QSOX1: variants seen among roughly 807,000 people sequenced by gnomAD.
QSOX1 encodes the protein quiescin sulfhydryl oxidase 1, also known as sulfhydryl oxidase 1.
Under a neutral mutation model 76.1 loss-of-function variants are expected in QSOX1, and 40 were observed. That is an observed-to-expected ratio of 0.53 (90% CI 0.41 to 0.68). The LOEUF (loss-of-function observed/expected upper bound fraction) is 0.68. QSOX1 is among the 30% of genes least tolerant of loss of function. The pLI is 0.00. For synonymous variants in QSOX1, 392 were observed against 413.1 expected, an observed-to-expected ratio of 0.95 and a Z score of 0.62; for missense variants, 931 against 974.3, an observed-to-expected ratio of 0.96 and a Z score of 0.59.
intron 11 of QSOX1, among the ~76,000 whole-genome samples, chr1:180,194,993 TC>T (rs201342733): frequency 2.2e-4 from 27 of 124,266 alleles, no homozygotes; most frequent in African/African-American, 4.8e-4. Context: ...TGTGACAGCC[TC>T]CCGGGGGGGG....
chr1:180,173,284 C>G (rs1231812096), intron 2 of QSOX1, among the ~76,000 whole-genome samples: 1 of 151,620 alleles, frequency 6.6e-6, no homozygotes, highest in African/African-American at 2.4e-5. Context: ...TGTCGGCAAA[C>G]CAAACCCCAA....
At chr1:180,189,816 A>AGTCATTT in intron 9 of QSOX1, 142 bp downstream of exon 9, 5 of 902,614 alleles carry the variant, frequency 5.5e-6, no homozygotes, top group Non-Finnish European at 8.1e-6. Context: ...AATAATCAAT[A>AGTCATTT]AATGACTATT....
chr1:180,175,745 C>T (rs1391023022), intron 3 of QSOX1, among the ~76,000 whole-genome samples, 186 bp from the exon 4 acceptor site: 1 of 152,184 alleles, frequency 6.6e-6, no homozygotes, highest in Non-Finnish European at 1.5e-5. Flanking sequence ...CCTTGCACTA[C>T]TTGGGGCCAC....
At chr1:180,168,248 A>G (rs918898828) in intron 2 of QSOX1, among the ~76,000 whole-genome samples, 2 of 152,222 alleles carry the variant, frequency 1.3e-5, no homozygotes, top group African/African-American at 4.8e-5. Context: ...CATCTCCTGA[A>G]CTGCCTGGCT....
Position 180,200,413 on chromosome 1 carries a change from G to A in QSOX1, c.*3376G>A, listed in dbSNP as rs1385839200. The A allele has an allele frequency of 3.3e-5, 5 of 152,098 alleles. No individual in the cohort carries two copies. The highest frequency in any genetic ancestry group is 7.3e-5 in the Non-Finnish European group (5 of 68,046). The allele number at this position is 152,098 out of a possible 1,614,324, so 9.4% of individuals were successfully genotyped here. On this transcript the variant is annotated 3_prime_UTR_variant, in exon 12 of 12. Transcript: ENST00000367602. The stretch of plus-strand genomic sequence containing the variant: ...GGTGTCCCTGGAGCTGGGCCTCCAG[G>A]TGGCAAGCCCCAAGCCACCCCGGCA...
chr1:180,177,249 CCTTT>C (rs1662921360), intron 4 of QSOX1, among the ~76,000 whole-genome samples: 1 of 75,466 alleles, frequency 1.3e-5, no homozygotes, highest in Admixed American at 1.7e-4. Flanking sequence ...TCAAAGTGAT[CCTTT>C]TTTTTTTTTT....
rs1402075883 is a variant in QSOX1, at chr1:180,197,994, C to G, written c.*957C>G. 2.8e-6 allele frequency: 1 copy of G among 363,132 alleles called. No homozygotes were observed. Among genetic ancestry groups the G allele is most frequent in the Non-Finnish European group, 5.6e-6 (1 of 179,564 alleles). 22.5% of individuals were successfully genotyped at this position (363,132 alleles called of 1,614,324 possible). A position where few individuals can be genotyped will look rare whatever the true frequency, so the allele number is the denominator to read the frequency against. The stretch of plus-strand genomic sequence containing the variant: ...TGCTTGATTCCCACGCTACCCCCTG[C>G]CTTGGGAGGTGTGTGGAATAAATTA... On this transcript the variant is annotated 3_prime_UTR_variant, in exon 12 of 12. Coordinates refer to ENST00000367602, the MANE Select transcript of QSOX1 (RefSeq NM_002826.5).
At chr1:180,191,940 G>A (rs112185773) in intron 10 of QSOX1, among the ~76,000 whole-genome samples, 13 of 152,126 alleles carry the variant, frequency 8.5e-5, no homozygotes, top group East Asian at 7.8e-4. Flanking sequence ...TTGGCTGGGC[G>A]GTGGTCGTCT....
Position 180,166,564 on chromosome 1 carries a change from C to G in QSOX1, c.339C>G (p.Phe113Leu), listed in dbSNP as rs376417038. 2.6e-5 allele frequency: 42 copies of G among 1,614,016 alleles called. No homozygotes were observed. The highest frequency in any genetic ancestry group is 8.3e-5 in the Admixed American group (5 of 60,010). Residue 113 changes from phenylalanine (F) to leucine (L), a missense_variant, in exon 2 of 12, where the codon TTC (phenylalanine) becomes TTG (leucine). By Grantham distance (22) the Phe-to-Leu change is conservative (BLOSUM62 0). Coordinates refer to ENST00000367602, the MANE Select transcript of QSOX1 (RefSeq NM_002826.5). ...EETNSAVCRD[F>L]NIPGFPTVRF... ...CCAACAGTGCAGTCTGCAGAGACTT[C>G]AACATCCCTGGCTTCCCGACTGTGA...
At chr1:180,165,689 G>C (rs1440366565) in intron 1 of QSOX1, among the ~76,000 whole-genome samples, 1 of 152,238 alleles carries the variant, frequency 6.6e-6, no homozygotes, top group Non-Finnish European at 1.5e-5. Context: ...TTGGCTTCCA[G>C]CTGGAGCAGC....
intron 5 of QSOX1, among the ~76,000 whole-genome samples, chr1:180,179,486 A>G (rs1431966081): frequency 1.3e-5 from 2 of 152,224 alleles, no homozygotes; most frequent in Admixed American, 6.5e-5. Context: ...TATTGTTGGG[A>G]AGGTCAAATG....
chr1:180,166,046 C>T (rs1662606909), intron 1 of QSOX1, among the ~76,000 whole-genome samples: 1 of 152,110 alleles, frequency 6.6e-6, no homozygotes, highest in Admixed American at 6.5e-5. Context: ...CTAAGGGTCC[C>T]CTGGGGAATT....
Position 180,198,880 on chromosome 1 carries a change from G to T in QSOX1, c.*1843G>T, listed in dbSNP as rs1397390346. On this transcript the variant is annotated 3_prime_UTR_variant, in exon 12 of 12. Transcript: ENST00000367602. ...TGCCCTGTGTGCCCACTGCACCAAGGCCGCTGAATAAGCCTGCCCTTCACC... is the reference window on the plus strand; with the variant it reads ...TGCCCTGTGTGCCCACTGCACCAAGTCCGCTGAATAAGCCTGCCCTTCACC... The T allele has an allele frequency of 1.2e-5, 2 of 171,272 alleles. No individual in the cohort carries two copies. The highest frequency in any genetic ancestry group is 5.5e-5 in the Admixed American group (1 of 18,294). The allele number at this position is 171,272 out of a possible 1,614,324, so 10.6% of individuals were successfully genotyped here. A position where few individuals can be genotyped will look rare whatever the true frequency, so the allele number is the denominator to read the frequency against.
rs537630020 is a variant in QSOX1 at position 180,199,246 on chromosome 1, C to G, written c.*2209C>G. The G allele has an allele frequency of 6.6e-6, 1 of 152,396 alleles. No homozygotes were observed. Among genetic ancestry groups the G allele is most frequent in the South Asian group, 2.1e-4 (1 of 4,826 alleles). 9.4% of individuals were successfully genotyped at this position (152,396 alleles called of 1,614,324 possible). A position where few individuals can be genotyped will look rare whatever the true frequency, so the allele number is the denominator to read the frequency against. ...GCAACATCGATAAACCAGCCTCGCC[C>G]ACCAGCTGGGCCCTCCCCCACCCAG... On this transcript the variant is annotated 3_prime_UTR_variant, in exon 12 of 12. Coordinates refer to ENST00000367602, the MANE Select transcript of QSOX1 (RefSeq NM_002826.5).
At chr1:180,184,401 T>C (rs1663118522) in intron 7 of QSOX1, among the ~76,000 whole-genome samples, 2 of 152,226 alleles carry the variant, frequency 1.3e-5, no homozygotes, top group African/African-American at 4.8e-5. Context: ...CAAGCAATTA[T>C]TTGTGCAGTC....
intron 5 of QSOX1, among the ~76,000 whole-genome samples, chr1:180,179,485 G>A (rs1270020291): frequency 6.6e-6 from 1 of 152,268 alleles, no homozygotes; most frequent in Non-Finnish European, 1.5e-5. Context: ...GTATTGTTGG[G>A]AAGGTCAAAT....
intron 1 of QSOX1, among the ~76,000 whole-genome samples, chr1:180,157,343 G>A (rs540514681): frequency 6.6e-6 from 1 of 152,212 alleles, no homozygotes; most frequent in African/African-American, 2.4e-5. Context: ...ACCCAAAGGG[G>A]TGTTCCCTGG....
chr1:180,173,910 A>C (rs191723119), intron 2 of QSOX1, among the ~76,000 whole-genome samples: 406 of 152,348 alleles, frequency 2.7e-3, no homozygotes, highest in African/African-American at 9.3e-3. Flanking sequence ...ATGAGAACAC[A>C]AAGGTTCGGA....
intron 1 of QSOX1, among the ~76,000 whole-genome samples, chr1:180,156,764 G>A (rs536138683): frequency 1.3e-5 from 2 of 152,158 alleles, no homozygotes; most frequent in South Asian, 4.1e-4. Context: ...CAACACATCT[G>A]GTCAGGGGAG....
Sources: allele counts gnomAD v4.1 joint callset (sites outside exome capture counted in the v4.1 genomes callset), GRCh38; gene constraint gnomAD v4.1.1; transcripts MANE v1.5; gene names NCBI Gene and HGNC (gene_info 2026-07-23, HGNC 2026-07-21).